Variants in DNAAF11 observed in about 807,000 individuals in gnomAD.
DNAAF11 encodes the protein dynein axonemal assembly factor 11.
In DNAAF11, 45 loss-of-function variants were observed where a neutral mutation model predicts 60.8. The observed-to-expected ratio is 0.74, with a 90% CI of 0.58 to 0.95. The LOEUF (loss-of-function observed/expected upper bound fraction) is 0.95. DNAAF11 is among the 40% of genes least tolerant of loss of function. The probability of loss-of-function intolerance (pLI) is 0.00; values close to 1 mark genes in which losing one functional copy is unlikely to be tolerated. For synonymous variants in DNAAF11, 191 were observed against 183.5 expected (o/e 1.04, Z -0.33); for missense variants, 546 against 546.2 (o/e 1.00, Z 0.00).
chr8:132,700,873 G>C, the DNAAF11 span, among the ~76,000 whole-genome samples: 64 of 152,292 alleles, frequency 4.2e-4, 1 homozygote, highest in African/African-American at 1.4e-3. Context: ...CGAAGTGATA[G>C]AGTGTCTTCC....
intron 6 of DNAAF11, among the ~76,000 whole-genome samples, chr8:132,623,551 G>A (rs1352739736): frequency 6.6e-6 from 1 of 152,094 alleles, no homozygotes; most frequent in Admixed American, 6.5e-5. Context: ...TTAAAATGCA[G>A]TATGTAAATT....
intron 5 of DNAAF11, among the ~76,000 whole-genome samples, chr8:132,628,141 G>A (rs1041310514): frequency 2.0e-5 from 3 of 151,930 alleles, no homozygotes; most frequent in Admixed American, 6.6e-5. Flanking sequence ...TGGCTGGGTG[G>A]GGTGGCTCAC....
chr8:132,647,164 C>G (rs1041298329), intron 3 of DNAAF11, among the ~76,000 whole-genome samples: 1 of 152,224 alleles, frequency 6.6e-6, no homozygotes, highest in Non-Finnish European at 1.5e-5. Flanking sequence ...ACAGTGCAAT[C>G]AAACTCGAAC....
chr8:132,606,101 C>G (rs1299481482), intron 10 of DNAAF11, among the ~76,000 whole-genome samples: 1 of 147,422 alleles, frequency 6.8e-6, no homozygotes, highest in Admixed American at 6.7e-5. Context: ...GACACTGTAT[C>G]TTAATGTTGT....
chr8:132,614,466 G>A (rs1455203251), intron 8 of DNAAF11, among the ~76,000 whole-genome samples: 1 of 152,232 alleles, frequency 6.6e-6, no homozygotes, highest in African/African-American at 2.4e-5. Flanking sequence ...CAGGCTGAAG[G>A]TTTGAGTGTC....
At chr8:132,673,369 G>A (rs1400711374) in intron 1 of DNAAF11, among the ~76,000 whole-genome samples, 1 of 152,182 alleles carries the variant, frequency 6.6e-6, no homozygotes, top group East Asian at 1.9e-4. Flanking sequence ...GCACATCAGA[G>A]CTACTCATTG....
intron 10 of DNAAF11, among the ~76,000 whole-genome samples, chr8:132,593,337 A>G: frequency 7.4e-6 from 1 of 134,574 alleles, no homozygotes; most frequent in South Asian, 2.3e-4. Flanking sequence ...ACATACATAT[A>G]TATATATATA....
chr8:132,697,116 A>T, the DNAAF11 span, among the ~76,000 whole-genome samples: 2 of 152,220 alleles, frequency 1.3e-5, no homozygotes, highest in African/African-American at 2.4e-5. Context: ...TGTCCAGAAT[A>T]GGCAATTTTA....
intron 4 of DNAAF11, among the ~76,000 whole-genome samples, chr8:132,636,772 T>C (rs1181852737): frequency 1.3e-5 from 2 of 152,238 alleles, no homozygotes; most frequent in Non-Finnish European, 2.9e-5. Flanking sequence ...TTAGGTTATG[T>C]ATGAGACAAT....
At chr8:132,625,578 A>T (rs1401775830) in intron 5 of DNAAF11, 124 bp from the exon 6 acceptor site, 11 of 734,054 alleles carry the variant, frequency 1.5e-5, no homozygotes, top group Non-Finnish European at 2.3e-5. Context: ...TGACAAAGTG[A>T]CTCTGAAAGA....
intron 1 of DNAAF11, among the ~76,000 whole-genome samples, chr8:132,674,958 T>C (rs1294527549): frequency 6.6e-6 from 1 of 152,186 alleles, no homozygotes; most frequent in Non-Finnish European, 1.5e-5. Context: ...GCCATTATTT[T>C]GGAGATGAAG....
At chr8:132,702,633 C>A in the DNAAF11 span, among the ~76,000 whole-genome samples, 1 of 152,168 alleles carries the variant, frequency 6.6e-6, no homozygotes, top group Non-Finnish European at 1.5e-5. Flanking sequence ...AGCTTATGAT[C>A]TAGCACTGTT....
At chr8:132,656,801 T>C in intron 3 of DNAAF11, 29 bp downstream of exon 3, 1 of 982,334 alleles carries the variant, frequency 1.0e-6, no homozygotes, top group Non-Finnish European at 1.6e-6. Context: ...TTTTAATTCA[T>C]AATAGCATAA....
chr8:132,577,385 CTTAGG>C (rs1309628643), intron 11 of DNAAF11, among the ~76,000 whole-genome samples: 3 of 152,156 alleles, frequency 2.0e-5, no homozygotes. Flanking sequence ...TTAAGTCTAT[CTTAGG>C]TATTCTATTA....
intron 6 of DNAAF11, among the ~76,000 whole-genome samples, chr8:132,623,650 A>G (rs1299815684): frequency 1.3e-5 from 2 of 152,196 alleles, no homozygotes; most frequent in Non-Finnish European, 2.9e-5. Flanking sequence ...TGTTTAGATG[A>G]TGGAACTGTT....
At chr8:132,606,197 A>C (rs1242984346) in intron 10 of DNAAF11, among the ~76,000 whole-genome samples, 1 of 152,212 alleles carries the variant, frequency 6.6e-6, no homozygotes, top group Non-Finnish European at 1.5e-5. Flanking sequence ...TATAGCATAT[A>C]CAATTATGTC....
the DNAAF11 span, among the ~76,000 whole-genome samples, chr8:132,695,091 A>T: frequency 1.3e-5 from 2 of 152,206 alleles, no homozygotes; most frequent in Admixed American, 6.5e-5. Flanking sequence ...AAGGTTGTTG[A>T]CGTCTTTAAC....
the DNAAF11 span, among the ~76,000 whole-genome samples, chr8:132,686,175 T>G: frequency 6.6e-6 from 1 of 152,044 alleles, no homozygotes; most frequent in African/African-American, 2.4e-5. Flanking sequence ...CGGATGACAA[T>G]TGGAGTGAGA....
At chr8:132,678,644 T>TA (rs1825822446), upstream of DNAAF11, among the ~76,000 whole-genome samples, 1 of 152,054 alleles carries the variant, frequency 6.6e-6, no homozygotes, top group Non-Finnish European at 1.5e-5. Context: ...CTGGGCATCT[T>TA]AAAGTGCTGA....
Sources: allele counts gnomAD v4.1 joint callset (sites outside exome capture counted in the v4.1 genomes callset), GRCh38; gene constraint gnomAD v4.1.1; transcripts MANE v1.5; gene names NCBI Gene and HGNC (gene_info 2026-07-23, HGNC 2026-07-21).